The following SLC4A10 variants were observed in gnomAD, a reference collection of about 807,000 sequenced individuals.
The protein encoded by SLC4A10 is sodium-driven chloride bicarbonate exchanger.
A neutral mutation model predicts 137.7 loss-of-function variants in SLC4A10; 42 were observed. The observed-to-expected ratio is 0.30, with a 90% CI of 0.24 to 0.39. The LOEUF (loss-of-function observed/expected upper bound fraction) is 0.39. Ranked by LOEUF, SLC4A10 falls within the 10% of genes least tolerant of loss-of-function variation. The pLI is 1.00. For missense variants in SLC4A10, 925 were observed against 1,355.0 expected, an observed-to-expected ratio of 0.68 and a Z score of 4.98; for synonymous variants, 474 against 464.1, an observed-to-expected ratio of 1.02 and a Z score of -0.27.
intron 1 of SLC4A10, among the ~76,000 whole-genome samples, chr2:161,674,583 T>C (rs1478352492): frequency 6.6e-6 from 1 of 152,196 alleles, no homozygotes; most frequent in African/African-American, 2.4e-5. Context: ...GATAGCTGGT[T>C]GGTCACCTGA....
chr2:161,945,976 TG>T (rs1693726094), intron 16 of SLC4A10, among the ~76,000 whole-genome samples: 1 of 152,038 alleles, frequency 6.6e-6, no homozygotes. Flanking sequence ...GTAGCAATTT[TG>T]CTACCCATTA....
At chr2:161,763,761 G>C (rs1189409354) in intron 1 of SLC4A10, among the ~76,000 whole-genome samples, 1 of 152,116 alleles carries the variant, frequency 6.6e-6, no homozygotes, top group Non-Finnish European at 1.5e-5. Context: ...CAAAGAATCT[G>C]GTGATGTAGT....
At chr2:161,924,116 T>C (rs1688643280) in intron 15 of SLC4A10, among the ~76,000 whole-genome samples, 1 of 152,204 alleles carries the variant, frequency 6.6e-6, no homozygotes, top group Admixed American at 6.5e-5. Context: ...CAGACTCATA[T>C]TCTATCTCCT....
At chr2:161,690,067 T>C (rs2041828002) in intron 1 of SLC4A10, among the ~76,000 whole-genome samples, 1 of 152,146 alleles carries the variant, frequency 6.6e-6, no homozygotes, top group Non-Finnish European at 1.5e-5. Flanking sequence ...AAAGGTCTAA[T>C]ATACAGAATC....
intron 1 of SLC4A10, among the ~76,000 whole-genome samples, chr2:161,629,325 CT>C (rs1233795223): frequency 0.01 from 1,378 of 136,828 alleles, 11 homozygotes; most frequent in African/African-American, 0.022. Flanking sequence ...GGGTGTACTA[CT>C]TTTTTTTTTT....
chr2:161,837,544 A>T (rs943906209), intron 3 of SLC4A10, among the ~76,000 whole-genome samples: 12 of 152,202 alleles, frequency 7.9e-5, no homozygotes, highest in African/African-American at 2.7e-4. Context: ...ATTTAGTGCA[A>T]TATCAATCAA....
At chr2:161,955,534 A>G (rs1695501155) in intron 19 of SLC4A10, among the ~76,000 whole-genome samples, 1 of 152,184 alleles carries the variant, frequency 6.6e-6, no homozygotes, top group South Asian at 2.1e-4. Context: ...TTTGGTGTCA[A>G]CATAGGAGGA....
intron 15 of SLC4A10, among the ~76,000 whole-genome samples, chr2:161,939,108 G>T (rs995925170): frequency 1.3e-5 from 2 of 151,644 alleles, no homozygotes; most frequent in East Asian, 1.9e-4. Context: ...GACCAGTCTC[G>T]CTCTGTCGCC....
chr2:161,673,779 C>T (rs1034706634), intron 1 of SLC4A10, among the ~76,000 whole-genome samples: 3 of 152,146 alleles, frequency 2.0e-5, no homozygotes, highest in African/African-American at 7.2e-5. Context: ...CACTTGAGGT[C>T]AGGAGTTCAA....
intron 4 of SLC4A10, among the ~76,000 whole-genome samples, chr2:161,844,548 T>G (rs577974755): frequency 6.6e-6 from 1 of 152,132 alleles, no homozygotes; most frequent in African/African-American, 2.4e-5. Context: ...TAATTTTGGA[T>G]GATATAATAA....
chr2:161,673,058 G>A (rs879502706), intron 1 of SLC4A10, among the ~76,000 whole-genome samples: 16 of 152,152 alleles, frequency 1.1e-4, no homozygotes, highest in Non-Finnish European at 2.1e-4. Flanking sequence ...GGGAAACTGC[G>A]CCATGAGCAG....
chr2:161,915,681 A>T (rs1482821566), intron 15 of SLC4A10, among the ~76,000 whole-genome samples: 1 of 152,204 alleles, frequency 6.6e-6, no homozygotes, highest in Non-Finnish European at 1.5e-5. Context: ...TAAAGCAACC[A>T]GCCAGTTCCT....
At chr2:161,741,281 C>T (rs1234210583) in intron 1 of SLC4A10, among the ~76,000 whole-genome samples, 1 of 147,128 alleles carries the variant, frequency 6.8e-6, no homozygotes, top group Non-Finnish European at 1.5e-5. Flanking sequence ...AAAAAAGCAC[C>T]TATCCACTAC....
At chr2:161,879,352 G>A in intron 9 of SLC4A10, 64 bp downstream of exon 9, 3 of 1,437,438 alleles carry the variant, frequency 2.1e-6, no homozygotes, top group Non-Finnish European at 2.8e-6. Context: ...AAGAAAATGA[G>A]GATTCAATGT....
intron 10 of SLC4A10, among the ~76,000 whole-genome samples, chr2:161,891,670 C>G (rs1389574735): frequency 6.6e-6 from 1 of 151,942 alleles, no homozygotes; most frequent in African/African-American, 2.4e-5. Context: ...TCTTCTCTAG[C>G]TGGTTATTCT....
intron 1 of SLC4A10, among the ~76,000 whole-genome samples, chr2:161,722,351 TGGATGGGGTTTTTGTG>T (rs2045774830): frequency 6.6e-6 from 1 of 152,214 alleles, no homozygotes; most frequent in Non-Finnish European, 1.5e-5. Context: ...TGCTGACCTT[TGGATGGGGTTTTTGTG>T]GGGTTCTTTT....
intron 15 of SLC4A10, among the ~76,000 whole-genome samples, chr2:161,930,449 C>T (rs1343176299): frequency 6.6e-6 from 1 of 151,748 alleles, no homozygotes; most frequent in African/African-American, 2.4e-5. Context: ...GTACTAGAAG[C>T]TTTATACACC....
intron 1 of SLC4A10, among the ~76,000 whole-genome samples, chr2:161,756,051 G>A (rs1179906205): frequency 6.6e-6 from 1 of 152,030 alleles, no homozygotes; most frequent in Non-Finnish European, 1.5e-5. Context: ...TTACGGGCTT[G>A]AGCCACCGCA....
intron 15 of SLC4A10, among the ~76,000 whole-genome samples, chr2:161,916,300 A>T (rs563745663): frequency 7.9e-5 from 12 of 152,340 alleles, no homozygotes; most frequent in African/African-American, 2.9e-4. Context: ...AGACTAAAAA[A>T]TCATGGATTT....
Sources: allele counts gnomAD v4.1 joint callset (sites outside exome capture counted in the v4.1 genomes callset), GRCh38; gene constraint gnomAD v4.1.1; transcripts MANE v1.5; gene names NCBI Gene and HGNC (gene_info 2026-07-23, HGNC 2026-07-21).